Variants in ANO10 observed in about 807,000 individuals in gnomAD.
The protein encoded by ANO10 is anoctamin-10.
Under a neutral mutation model 74.7 loss-of-function variants are expected in ANO10, and 77 were observed. The observed-to-expected ratio is 1.03, with a 90% CI of 0.86 to 1.25. The LOEUF is 1.25. ANO10 is among the 50% of genes most tolerant of loss of function. The pLI, the probability that ANO10 is intolerant of heterozygous loss-of-function variation, is 0.00. For synonymous variants in ANO10, 279 were observed against 284.9 expected (o/e 0.98, Z 0.21); for missense variants, 721 against 778.1 (o/e 0.93, Z 0.87).
At chr3:43,468,154 C>T (rs1432065573) in intron 11 of ANO10, among the ~76,000 whole-genome samples, 1 of 152,128 alleles carries the variant, frequency 6.6e-6, no homozygotes, top group African/African-American at 2.4e-5. Context: ...TAATTTTTAG[C>T]AGTGATTTCT....
intron 1 of ANO10, among the ~76,000 whole-genome samples, chr3:43,675,206 T>A (rs1038218533): frequency 2.0e-5 from 3 of 152,030 alleles, no homozygotes; most frequent in African/African-American, 7.3e-5. Context: ...GACCTAAACA[T>A]CTCACTTCCA....
chr3:43,480,385 T>C (rs1373342577), intron 11 of ANO10, among the ~76,000 whole-genome samples: 4 of 152,194 alleles, frequency 2.6e-5, no homozygotes, highest in African/African-American at 9.7e-5. Context: ...CACAAAGGCA[T>C]ATCATTGTGA....
intron 1 of ANO10, among the ~76,000 whole-genome samples, chr3:43,648,627 G>C (rs1434925089): frequency 6.6e-6 from 1 of 151,378 alleles, no homozygotes; most frequent in African/African-American, 2.4e-5. Flanking sequence ...GTGATCGATC[G>C]GAGGTCACTC....
At chr3:43,491,049 C>T (rs2076700956) in intron 11 of ANO10, among the ~76,000 whole-genome samples, 1 of 152,090 alleles carries the variant, frequency 6.6e-6, no homozygotes, top group South Asian at 2.1e-4. Flanking sequence ...ATATGACCTT[C>T]CAGGGACATT....
chr3:43,539,537 C>T (rs952535384), intron 11 of ANO10, among the ~76,000 whole-genome samples: 2 of 152,060 alleles, frequency 1.3e-5, no homozygotes, highest in Admixed American at 6.5e-5. Flanking sequence ...TTGTTGAGAG[C>T]GGGAAGCACA....
At chr3:43,628,105 T>G (rs1229684231) in intron 1 of ANO10, among the ~76,000 whole-genome samples, 1 of 152,178 alleles carries the variant, frequency 6.6e-6, no homozygotes, top group Admixed American at 6.5e-5. Flanking sequence ...TTATTTTTCC[T>G]CCTTTCTTGT....
intron 11 of ANO10, among the ~76,000 whole-genome samples, chr3:43,513,194 C>A (rs1400037998): frequency 6.6e-6 from 1 of 152,142 alleles, no homozygotes; most frequent in Non-Finnish European, 1.5e-5. Context: ...TCACACAGGA[C>A]TGAGAACAGT....
At chr3:43,369,041 G>T (rs545512408) in intron 12 of ANO10, among the ~76,000 whole-genome samples, 5 of 133,394 alleles carry the variant, frequency 3.7e-5, no homozygotes, top group African/African-American at 1.2e-4. Context: ...TCTGGGAGGG[G>T]CCCCCTGCTC....
chr3:43,672,069 T>C (rs1272433056), intron 1 of ANO10, among the ~76,000 whole-genome samples: 1 of 152,244 alleles, frequency 6.6e-6, no homozygotes, highest in Non-Finnish European at 1.5e-5. Flanking sequence ...GCAAGTCATC[T>C]TCCTGTTGCA....
intron 1 of ANO10, among the ~76,000 whole-genome samples, chr3:43,651,807 G>A (rs186768339): frequency 1.8e-4 from 27 of 152,204 alleles, no homozygotes; most frequent in Admixed American, 3.3e-4. Flanking sequence ...TTAATACTTA[G>A]TTCAATCAAG....
chr3:43,369,823 T>C (rs1279908144), intron 12 of ANO10, among the ~76,000 whole-genome samples: 4 of 152,204 alleles, frequency 2.6e-5, no homozygotes, highest in African/African-American at 4.8e-5. Flanking sequence ...TTGGAGGAAA[T>C]GAGCTGCAAC....
chr3:43,526,111 T>C (rs562907880), intron 11 of ANO10, among the ~76,000 whole-genome samples: 14 of 152,302 alleles, frequency 9.2e-5, no homozygotes, highest in Middle Eastern at 3.4e-3. Flanking sequence ...ATGATGAAAA[T>C]GATGAAACCT....
intron 9 of ANO10, among the ~76,000 whole-genome samples, chr3:43,556,403 A>T (rs748499170): frequency 6.6e-5 from 10 of 152,158 alleles, no homozygotes; most frequent in Non-Finnish European, 1.0e-4. Context: ...ATTAGTGTAT[A>T]GCACCAGGGG....
At chr3:43,567,408 A>T (rs1289241689) in intron 7 of ANO10, among the ~76,000 whole-genome samples, 1 of 152,178 alleles carries the variant, frequency 6.6e-6, no homozygotes, top group Non-Finnish European at 1.5e-5. Context: ...GATATGAAGG[A>T]AAAAATGTTA....
intron 1 of ANO10, among the ~76,000 whole-genome samples, chr3:43,671,935 A>G (rs1483710663): frequency 1.3e-5 from 2 of 152,226 alleles, no homozygotes; most frequent in African/African-American, 2.4e-5. Flanking sequence ...TATTACATAC[A>G]TTCATCAGCA....
At chr3:43,544,275 G>A (rs947613051) in intron 11 of ANO10, among the ~76,000 whole-genome samples, 1 of 151,982 alleles carries the variant, frequency 6.6e-6, no homozygotes, top group African/African-American at 2.4e-5. Context: ...ATTTTCACAT[G>A]TTTTCATCTA....
At chr3:43,398,196 T>C (rs1464516212) in intron 12 of ANO10, among the ~76,000 whole-genome samples, 1 of 152,240 alleles carries the variant, frequency 6.6e-6, no homozygotes, top group Non-Finnish European at 1.5e-5. Context: ...ACAACAAATA[T>C]TGATATGGCA....
chr3:43,436,676 T>C (rs1011419618), intron 11 of ANO10, among the ~76,000 whole-genome samples: 1 of 152,198 alleles, frequency 6.6e-6, no homozygotes, highest in African/African-American at 2.4e-5. Context: ...AGTAAAGTAC[T>C]GCCCGCTCTG....
At chr3:43,447,941 A>T (rs1410786176) in intron 11 of ANO10, among the ~76,000 whole-genome samples, 1 of 152,134 alleles carries the variant, frequency 6.6e-6, no homozygotes, top group African/African-American at 2.4e-5. Context: ...CTGTGTCCCC[A>T]CAAATTCACA....
Sources: gnomAD v4.1 joint callset for allele counts (sites outside exome capture counted in the v4.1 genomes callset) on GRCh38, gnomAD v4.1.1 for gene constraint, MANE v1.5 for transcripts, NCBI Gene and HGNC (gene_info 2026-07-23, HGNC 2026-07-21) for gene names.